The following STOM variants were observed in gnomAD, a reference collection of about 807,000 sequenced individuals.
STOM encodes the protein erythrocyte band 7 integral membrane protein.
A neutral mutation model predicts 30.6 loss-of-function variants in STOM; 25 were observed. The observed-to-expected ratio is 0.82, with a 90% CI of 0.60 to 1.14. STOM has a LOEUF of 1.14. Ranked by LOEUF, STOM falls within the 50% of genes most tolerant of loss-of-function variation. STOM has a pLI of 0.00. For synonymous variants in STOM, 118 were observed against 130.8 expected (o/e 0.90, Z 0.67); for missense variants, 292 against 365.2 (o/e 0.80, Z 1.63).
intron 1 of STOM, among the ~76,000 whole-genome samples, chr9:121,368,657 T>TG (rs893358211): frequency 3.8e-4 from 58 of 152,042 alleles, no homozygotes; most frequent in Non-Finnish European, 7.4e-4. Flanking sequence ...TACGTGGCAC[T>TG]GGGGGGGTCG....
intron 1 of STOM, among the ~76,000 whole-genome samples, chr9:121,359,535 T>C (rs2064430047): frequency 6.6e-6 from 1 of 152,166 alleles, no homozygotes. Context: ...AGTATTACCA[T>C]GACTGATCAT....
intron 1 of STOM, among the ~76,000 whole-genome samples, chr9:121,366,678 G>T (rs2064506402): frequency 6.6e-6 from 1 of 152,106 alleles, no homozygotes; most frequent in Admixed American, 6.5e-5. Flanking sequence ...ATTTACTCCA[G>T]GGGGATTTTT....
chr9:121,350,223 G>A (rs1459089952), intron 4 of STOM, among the ~76,000 whole-genome samples: 1 of 152,190 alleles, frequency 6.6e-6, no homozygotes, highest in Non-Finnish European at 1.5e-5. Context: ...AGGAGGCTGA[G>A]GCAGGAAGAT....
At position 121,339,644 on chromosome 9, in the gene STOM, TA is replaced by T. The variant is rs2064228840; in HGVS notation, c.*1557del. ...ACTCAGAGTCTCAAAGAGGAAATGT[TA>T]CAAATGTCACCCGCCAGCTTTCTGG... On this transcript the variant is annotated 3_prime_UTR_variant, in exon 7 of 7. Coordinates refer to ENST00000286713, the MANE Select transcript of STOM (RefSeq NM_004099.6). The T allele has an allele frequency of 1.6e-6, 2 of 1,231,518 alleles. No homozygotes were observed. The highest frequency in any genetic ancestry group is 3.1e-5 in the African/African-American group (2 of 64,392). 76.3% of individuals were successfully genotyped at this position (1,231,518 alleles called of 1,614,324 possible). A position where few individuals can be genotyped will look rare whatever the true frequency, so the allele number is the denominator to read the frequency against.
intron 1 of STOM, among the ~76,000 whole-genome samples, chr9:121,365,942 T>C (rs927886583): frequency 2.0e-5 from 3 of 152,164 alleles, no homozygotes; most frequent in African/African-American, 7.2e-5. Context: ...AACAATCTGC[T>C]TGGGGACTCT....
rs942749021 is a variant in STOM at position 121,339,480 on chromosome 9, G to T, written c.*1722C>A. Reference sequence around the variant, plus strand: ...GAGCCAGGATACATGGTAGTTCAAGGCTTCCTAAAATAAGCTTGAAATTGG... The same window carrying T: ...GAGCCAGGATACATGGTAGTTCAAGTCTTCCTAAAATAAGCTTGAAATTGG... On this transcript the variant is annotated 3_prime_UTR_variant, in exon 7 of 7. Transcript: ENST00000286713. The T allele has an allele frequency of 8.4e-7, 1 of 1,183,776 alleles. No individual in the cohort carries two copies. Among genetic ancestry groups the T allele is most frequent in the Non-Finnish European group, 1.1e-6 (1 of 947,266 alleles). The allele number at this position is 1,183,776 out of a possible 1,614,324, so 73.3% of individuals were successfully genotyped here. A position where few individuals can be genotyped will look rare whatever the true frequency, so the allele number is the denominator to read the frequency against.
chr9:121,354,689 GAAT>G lies in STOM; in HGVS notation c.166-19_166-17del. ...CTTTTATAATCTAGAATAAAAACAT[GAAT>G]AATAATTTAACATGAAGAGTACAAA... is the stretch of plus-strand genomic sequence containing the variant. On this transcript the variant is annotated splice_polypyrimidine_tract_variant and intron_variant, in intron 2 of 6. Transcript: ENST00000286713. The G allele has an allele frequency of 6.4e-7, 1 of 1,567,354 alleles. No individual in the cohort carries two copies. The highest frequency in any genetic ancestry group is 8.7e-7 in the Non-Finnish European group (1 of 1,145,560).
In STOM at chr9:121,340,143, G is replaced by A. The variant is rs1046771145; in HGVS notation, c.*1059C>T. 1 of 985,274 alleles carries A rather than the reference G, an allele frequency of 1.0e-6. No individual in the cohort carries two copies. The highest frequency in any genetic ancestry group is 1.2e-6 in the Non-Finnish European group (1 of 829,812). 61.0% of individuals were successfully genotyped at this position (985,274 alleles called of 1,614,324 possible). On this transcript the variant is annotated 3_prime_UTR_variant, in exon 7 of 7. Transcript: ENST00000286713. ...ACCTGATATATGAAAATAGGCAACA[G>A]TGAGAAAAAAGCACTTTTGTGACAA...
At chr9:121,369,964 AG>A in intron 1 of STOM, 162 bp downstream of exon 1, 2 of 620,056 alleles carry the variant, frequency 3.2e-6, no homozygotes, top group Non-Finnish European at 5.5e-6. Flanking sequence ...TCTGCCAAAC[AG>A]GGTTCGTGAT....
Position 121,339,679 on chromosome 9 carries a change from C to G in STOM, c.*1523G>C. The G allele has an allele frequency of 8.1e-7, 1 of 1,231,592 alleles. No homozygotes were observed. The highest frequency in any genetic ancestry group is 1.0e-6 in the Non-Finnish European group (1 of 987,876). The allele number at this position is 1,231,592 out of a possible 1,614,324, so 76.3% of individuals were successfully genotyped here. On this transcript the variant is annotated 3_prime_UTR_variant, in exon 7 of 7. Transcript: ENST00000286713. The stretch of plus-strand genomic sequence containing the variant: ...ACCCGCCAGCTTTCTGGCCAGTAAG[C>G]AGAATGCCAGGTTGCTCAGATTCAC...
chr9:121,350,429 A>G (rs185246833), intron 4 of STOM, among the ~76,000 whole-genome samples: 1 of 152,342 alleles, frequency 6.6e-6, no homozygotes, highest in Admixed American at 6.5e-5. Context: ...CTCTTAGACT[A>G]TGAATTTCTT....
rs1028931649 is a variant in STOM, at chr9:121,349,033, G to A, written c.525+87C>T. The A allele has an allele frequency of 4.2e-6, 6 of 1,439,826 alleles. No homozygotes were observed. The African/African-American group carries it at 8.6e-5, about 21-fold the overall frequency. The allele number at this position is 1,439,826 out of a possible 1,614,324, so 89.2% of individuals were successfully genotyped here. ...AAACGGTCACAGACCCCCACAACTT[G>A]AATTAATAAAAGGTTCTCAAACAAC... is the stretch of plus-strand genomic sequence containing the variant. On this transcript the variant is annotated intron_variant, in intron 5 of 6. Transcript: ENST00000286713.
chr9:121,348,496 A>C (rs72762106), intron 5 of STOM, among the ~76,000 whole-genome samples: 7,303 of 152,326 alleles, frequency 0.048, 232 homozygotes, highest in South Asian at 0.11. Flanking sequence ...TTTACTTACA[A>C]AAACTACAGC....
chr9:121,351,410 T>A (rs1172444424), intron 4 of STOM, among the ~76,000 whole-genome samples: 2 of 152,246 alleles, frequency 1.3e-5, no homozygotes, highest in East Asian at 3.8e-4. Flanking sequence ...CTTGGATCAG[T>A]ACCAACAAGG....
intron 1 of STOM, among the ~76,000 whole-genome samples, chr9:121,358,807 A>T (rs2064422237): frequency 2.0e-5 from 3 of 152,072 alleles, no homozygotes; most frequent in Non-Finnish European, 4.4e-5. Flanking sequence ...CCTTAAATCA[A>T]TTGCCTAAAT....
intron 6 of STOM, among the ~76,000 whole-genome samples, chr9:121,345,956 A>AT (rs1038193469): frequency 1.1e-4 from 17 of 150,842 alleles, no homozygotes; most frequent in East Asian, 3.9e-4. Context: ...AACAAGTTTC[A>AT]TTTTTTTTTA....
Position 121,356,980 on chromosome 9 carries a change from CAAAAG to C in STOM, c.62-829_62-825del, listed in dbSNP as rs370722634. ...CCTGGGCAACAGAGGAAGAATCTGT[CAAAAG>C]AAAAGAAAAGAAAAGAAAAAGGAAA... On this transcript the variant is annotated intron_variant, in intron 1 of 6. Coordinates refer to ENST00000286713, the MANE Select transcript of STOM (RefSeq NM_004099.6). Among the ~76,000 whole-genome samples, 682 of 151,208 alleles carry C rather than the reference CAAAAG, an allele frequency of 4.5e-3. 7 individuals are homozygous for C. Among genetic ancestry groups the C allele is most frequent in the African/African-American group, 0.015 (625 of 41,186 alleles).
In STOM at chr9:121,341,167, A is replaced by T. The variant is rs1268732825; in HGVS notation, c.*35T>A. 1 of 1,612,964 alleles carries T rather than the reference A, an allele frequency of 6.2e-7. No homozygotes were observed. Among genetic ancestry groups the T allele is most frequent in the South Asian group, 1.1e-5 (1 of 91,076 alleles). On this transcript the variant is annotated 3_prime_UTR_variant, in exon 7 of 7. Coordinates refer to ENST00000286713, the MANE Select transcript of STOM (RefSeq NM_004099.6). ...GAGTTAAAGGCTAATTTGGTCCCCG[A>T]CTTCATGCTTGGAAGGCTAGCGCTC...
chr9:121,369,702 G>C (rs948697507), intron 1 of STOM, among the ~76,000 whole-genome samples: 1 of 152,160 alleles, frequency 6.6e-6, no homozygotes, highest in African/African-American at 2.4e-5. Context: ...GCCAGGCCAG[G>C]GCTGGGTGGA....
Sources: allele counts gnomAD v4.1 joint callset (sites outside exome capture counted in the v4.1 genomes callset), GRCh38; gene constraint gnomAD v4.1.1; transcripts MANE v1.5; gene names NCBI Gene and HGNC (gene_info 2026-07-23, HGNC 2026-07-21).